TCERG1L: variants seen among roughly 807,000 people sequenced by gnomAD.
The protein encoded by TCERG1L is transcription elongation regulator 1 like.
Under a neutral mutation model 56.3 loss-of-function variants are expected in TCERG1L, and 37 were observed. That is an observed-to-expected ratio of 0.66 (90% CI 0.51 to 0.87). The LOEUF (loss-of-function observed/expected upper bound fraction) is 0.87, where lower values mean the gene tolerates loss of function less well. Ranked by LOEUF, TCERG1L falls within the 40% of genes least tolerant of loss-of-function variation. TCERG1L has a pLI of 0.00. For missense variants in TCERG1L, 799 were observed against 774.2 expected (o/e 1.03, Z -0.38); for synonymous variants, 324 against 326.3 (o/e 0.99, Z 0.08).
At chr10:131,287,461 A>G (rs993285263) in intron 3 of TCERG1L, among the ~76,000 whole-genome samples, 2 of 152,236 alleles carry the variant, frequency 1.3e-5, no homozygotes, top group African/African-American at 4.8e-5. Context: ...TGGTAAATAC[A>G]AATCTCACTT....
Position 131,311,321 on chromosome 10 carries a change from C to T in TCERG1L, c.315G>A (p.Ala105=). ...SAPDSAAAAA[A]HPFPALHGQW... ...GCCCGTGGAGCGCGGGGAAGGGGTG[C>T]GCGGCGGCGGCGGCGGCGGAGTCTG... The change falls in exon 1 of 12, where the codon GCG becomes GCA. Residue 105 remains alanine (A), a synonymous_variant. Coordinates refer to ENST00000368642, the MANE Select transcript of TCERG1L (RefSeq NM_174937.4). This position sits in a 1 kb window ranked among gnomAD's most constrained non-coding sequence, Gnocchi z 4.0. The T allele has an allele frequency of 5.1e-6, 6 of 1,187,256 alleles. No homozygotes were observed. The highest frequency in any genetic ancestry group is 1.6e-5 in the African/African-American group (1 of 62,902). 73.5% of individuals were successfully genotyped at this position (1,187,256 alleles called of 1,614,324 possible). A position where few individuals can be genotyped will look rare whatever the true frequency, so the allele number is the denominator to read the frequency against.
At chr10:131,183,936 G>A (rs942412032) in intron 4 of TCERG1L, among the ~76,000 whole-genome samples, 4 of 152,202 alleles carry the variant, frequency 2.6e-5, no homozygotes, top group Admixed American at 6.5e-5. Context: ...AGTGGGACTC[G>A]ACTCACCTCC....
chr10:131,229,472 G>A (rs1055203272), intron 4 of TCERG1L, among the ~76,000 whole-genome samples: 8 of 152,168 alleles, frequency 5.3e-5, no homozygotes, highest in African/African-American at 1.4e-4. Context: ...AATGCCCCTG[G>A]AACACTCAGC....
chr10:131,218,259 T>C (rs1439615353), intron 4 of TCERG1L, among the ~76,000 whole-genome samples: 1 of 152,200 alleles, frequency 6.6e-6, no homozygotes, highest in Non-Finnish European at 1.5e-5. Flanking sequence ...AAAGCACCAA[T>C]ACATCTAACC....
intron 8 of TCERG1L, among the ~76,000 whole-genome samples, chr10:131,125,443 T>G (rs1845555980): frequency 6.6e-6 from 1 of 152,220 alleles, no homozygotes; most frequent in Non-Finnish European, 1.5e-5. Flanking sequence ...TTAGACACAA[T>G]GTGAAATTCT....
chr10:131,165,840 C>T (rs1229211032), intron 5 of TCERG1L, among the ~76,000 whole-genome samples: 2 of 152,136 alleles, frequency 1.3e-5, no homozygotes, highest in South Asian at 2.1e-4. Flanking sequence ...ATAAAAACGG[C>T]TAATCATGGT....
chr10:131,310,807 G>T (rs1234227862), intron 1 of TCERG1L, among the ~76,000 whole-genome samples: 1 of 152,156 alleles, frequency 6.6e-6, no homozygotes, highest in Non-Finnish European at 1.5e-5. Context: ...GCATTGCCCT[G>T]AGTCTATTTT....
chr10:131,125,835 C>T (rs1278231743), intron 8 of TCERG1L, among the ~76,000 whole-genome samples: 1 of 152,340 alleles, frequency 6.6e-6, no homozygotes, highest in East Asian at 1.9e-4. Context: ...AGGAACCCTG[C>T]AGGCAGCTAG....
chr10:131,154,900 C>T (rs553923739), intron 6 of TCERG1L, among the ~76,000 whole-genome samples: 7 of 152,350 alleles, frequency 4.6e-5, no homozygotes, highest in Non-Finnish European at 5.9e-5. Context: ...GTGGCCTCTC[C>T]GCTTCGGGCC....
chr10:131,097,200 C>CAAAA (rs1161006867), intron 11 of TCERG1L, among the ~76,000 whole-genome samples: 2 of 91,030 alleles, frequency 2.2e-5, no homozygotes, highest in African/African-American at 4.4e-5. Flanking sequence ...GGGTCTGTCT[C>CAAAA]AAAAAAAAAA....
rs892047490 is a variant in TCERG1L, at chr10:131,250,874, A to G, written c.856+9385T>C. ...TTAGCTGGGTGGTCTCCCAAGCCAC[A>G]TTCCTCTTTCTCACGGCTCCATGTG... is the stretch of plus-strand genomic sequence containing the variant. On this transcript the variant is annotated intron_variant, in intron 4 of 11. Transcript: ENST00000368642. 2.0e-5 allele frequency among the ~76,000 whole-genome samples: 3 copies of G among 152,206 alleles called. No homozygotes were observed. In the South Asian group the frequency reaches 6.2e-4, roughly 32 times the overall value.
At chr10:131,213,118 C>A (rs1013091807) in intron 4 of TCERG1L, among the ~76,000 whole-genome samples, 3 of 152,252 alleles carry the variant, frequency 2.0e-5, no homozygotes, top group Non-Finnish European at 2.9e-5. Context: ...GTGTTGGCCA[C>A]CCAGGGCTGA....
chr10:131,108,956 C>G (rs1845382502), intron 9 of TCERG1L, among the ~76,000 whole-genome samples: 1 of 152,186 alleles, frequency 6.6e-6, no homozygotes, highest in South Asian at 2.1e-4. Flanking sequence ...GTGAGAGAAT[C>G]TCCCCCTGGC....
chr10:131,271,203 T>C (rs1846337065), intron 3 of TCERG1L, among the ~76,000 whole-genome samples: 3 of 151,686 alleles, frequency 2.0e-5, no homozygotes, highest in Admixed American at 2.0e-4. Flanking sequence ...GGATTTGGCT[T>C]TTCCCGGGAC....
intron 1 of TCERG1L, among the ~76,000 whole-genome samples, chr10:131,310,732 G>A (rs1005787303): frequency 2.0e-5 from 3 of 152,154 alleles, no homozygotes; most frequent in Admixed American, 6.5e-5. Flanking sequence ...GGGAATCTCC[G>A]GTAACATCCC....
chr10:131,149,661 G>T (rs919427889), intron 6 of TCERG1L, among the ~76,000 whole-genome samples: 1 of 152,222 alleles, frequency 6.6e-6, no homozygotes, highest in Non-Finnish European at 1.5e-5. Context: ...CACAGGCAGA[G>T]CCTATTATTA....
At chr10:131,271,293 G>A (rs1846337844) in intron 3 of TCERG1L, among the ~76,000 whole-genome samples, 1 of 152,208 alleles carries the variant, frequency 6.6e-6, no homozygotes, top group South Asian at 2.1e-4. Flanking sequence ...AGTGAGCCAA[G>A]CCCCACTGTG....
chr10:131,189,636 A>G (rs867815978), intron 4 of TCERG1L, among the ~76,000 whole-genome samples: 2 of 152,224 alleles, frequency 1.3e-5, no homozygotes, highest in South Asian at 4.1e-4. Context: ...GTGCTGTGAT[A>G]AACAGGAGTG....
At chr10:131,132,160 T>C (rs1486319270) in intron 8 of TCERG1L, among the ~76,000 whole-genome samples, 1 of 152,116 alleles carries the variant, frequency 6.6e-6, no homozygotes, top group Admixed American at 6.5e-5. Context: ...GTAAACCGGC[T>C]CATGAATGAA....
Sources: allele counts gnomAD v4.1 joint callset (sites outside exome capture counted in the v4.1 genomes callset), GRCh38; gene constraint gnomAD v4.1.1; non-coding constraint Gnocchi (gnomAD v3.1); transcripts MANE v1.5; gene names NCBI Gene and HGNC (gene_info 2026-07-23, HGNC 2026-07-21).